Variants in GOT1L1 observed in about 807,000 individuals in gnomAD.
The protein encoded by GOT1L1 is aspartate aminotransferase, cytoplasmic 2.
Under a neutral mutation model 43.6 loss-of-function variants are expected in GOT1L1, and 38 were observed. That is an observed-to-expected ratio of 0.87 (90% CI 0.67 to 1.14). The LOEUF is 1.14. Ranked by LOEUF, GOT1L1 falls within the 50% of genes most tolerant of loss-of-function variation. The pLI is 0.00. For synonymous variants in GOT1L1, 183 were observed against 187.2 expected (o/e 0.98, Z 0.18); for missense variants, 482 against 504.0 (o/e 0.96, Z 0.42).
At position 37,935,797 on chromosome 8, in the gene GOT1L1, TC is replaced by T; in HGVS notation, c.835del (p.Glu279LysfsTer3). 6.2e-7 allele frequency: 1 copy of T among 1,612,978 alleles called. No individual in the cohort carries two copies. The highest frequency in any genetic ancestry group is 1.7e-4 in the Middle Eastern group (1 of 6,054). On this transcript the variant is annotated frameshift_variant, in exon 7 of 9. Coordinates refer to ENST00000307599, the MANE Select transcript of GOT1L1 (RefSeq NM_152413.3). LOFTEE classifies it high-confidence loss of function. ...QQLLCVLSQL[E>X]GLAQALWLNP... ...TAGCCACAGGGCCTGGGCTAATCCT[TC>T]CAGCTGGGAGAGGACACACAGCAGC...
At chr8:37,937,177 C>A in intron 4 of GOT1L1, 100 bp downstream of exon 4, 2 of 1,244,982 alleles carry the variant, frequency 1.6e-6, no homozygotes, top group South Asian at 1.3e-5. Flanking sequence ...CAAATTCAAA[C>A]CTGGAAAAGG....
In GOT1L1 at chr8:37,940,007, A is replaced by G. The variant is rs377409792; in HGVS notation, c.23T>C (p.Met8Thr). The change falls in exon 1 of 9, where the codon ATG becomes ACG. Residue 8 changes from methionine to threonine, a missense_variant. Physicochemically the swap from Met to Thr is moderately conservative, Grantham distance 81. Coordinates refer to ENST00000307599, the MANE Select transcript of GOT1L1 (RefSeq NM_152413.3). Reference sequence around the variant, plus strand: ...TAGCTTGTGGGCGAGGGGCACATCCATGAACACTGAAAGGGTGGGCATAAC... The same window carrying G: ...TAGCTTGTGGGCGAGGGGCACATCCGTGAACACTGAAAGGGTGGGCATAAC... MPTLSVF[M>T]DVPLAHKLEG... is the part of the protein sequence containing the mutation. The G allele has an allele frequency of 9.9e-6, 16 of 1,613,372 alleles. No homozygotes were observed. In the African/African-American group the frequency reaches 1.9e-4, roughly 19 times the overall value.
chr8:37,935,648 G>T (rs915955993), intron 7 of GOT1L1, 56 bp downstream of exon 7: 10 of 1,440,694 alleles, frequency 6.9e-6, no homozygotes, highest in Non-Finnish European at 9.2e-6. Context: ...AGATCAGCAG[G>T]TCTGCAGGCA....
In GOT1L1 at chr8:37,939,948, C is replaced by A. The variant is rs756223517; in HGVS notation, c.82G>T (p.Asp28Tyr). 1 of 1,613,660 alleles carries A rather than the reference C, an allele frequency of 6.2e-7. No individual in the cohort carries two copies. Among genetic ancestry groups the A allele is most frequent in the Admixed American group, 1.7e-5 (1 of 59,990 alleles). ...GCTAAGAATATCTTGTTCGGGTAAT[C>A]ATCTTGTTTGTAGGTCTTTAACAAG... is the stretch of plus-strand genomic sequence containing the variant. ...GSLLKTYKQD[D>Y]YPNKIFLAYR... Residue 28 changes from aspartate to tyrosine, a missense_variant, in exon 1 of 9, where the codon GAT becomes TAT. Physicochemically the swap from Asp to Tyr is radical, Grantham distance 160. Coordinates refer to ENST00000307599, the MANE Select transcript of GOT1L1 (RefSeq NM_152413.3).
rs769971833 is a variant in GOT1L1, at chr8:37,934,350, C to A, written c.1209G>T (p.Glu403Asp). Residue 403 changes from glutamate to aspartate, a missense_variant, in exon 9 of 9, where the codon GAG becomes GAT. Coordinates refer to ENST00000307599, the MANE Select transcript of GOT1L1 (RefSeq NM_152413.3). ...EGINEAVLLT[E>D]SSEMCLPKEK... is the part of the protein sequence containing the mutation. ...CCTTTGGAAGACACATCTCTGAGCTCTCTGTGAGGAGGACAGCCTCATTGA... is the reference window on the plus strand; with the variant it reads ...CCTTTGGAAGACACATCTCTGAGCTATCTGTGAGGAGGACAGCCTCATTGA... 3 of 1,613,776 alleles carry A rather than the reference C, an allele frequency of 1.9e-6. No homozygotes were observed. In the East Asian group the frequency reaches 6.7e-5, roughly 36 times the overall value.
chr8:37,937,578 G>C (rs149617827), intron 3 of GOT1L1, 60 bp downstream of exon 3: 1 of 1,251,328 alleles, frequency 8.0e-7, no homozygotes, highest in African/African-American at 1.5e-5. Context: ...TGGCAAATGG[G>C]GTGAGGATTA....
In GOT1L1 at chr8:37,938,805, G is replaced by A; in HGVS notation, c.192C>T (p.Pro64=). Residue 64 remains proline (P), a synonymous_variant, in exon 2 of 9, where the codon CCC becomes CCT. Coordinates refer to ENST00000307599, the MANE Select transcript of GOT1L1 (RefSeq NM_152413.3). The part of the protein sequence containing the change: ...QKTRLQISQD[P]SLNYEYLPTM... The stretch of plus-strand genomic sequence containing the variant: ...TGGGCAAGTACTCATAATTCAGGGA[G>A]GGATCCTGTGAAATCTGTAGTCGAG... The A allele has an allele frequency of 1.2e-6, 2 of 1,613,764 alleles. No homozygotes were observed. The highest frequency in any genetic ancestry group is 1.7e-6 in the Non-Finnish European group (2 of 1,179,802).
chr8:37,940,013 A>G lies in GOT1L1; in HGVS notation c.17T>C (p.Val6Ala). 1 of 1,613,314 alleles carries G rather than the reference A, an allele frequency of 6.2e-7. No individual in the cohort carries two copies. Among genetic ancestry groups the G allele is most frequent in the Non-Finnish European group, 8.5e-7 (1 of 1,179,520 alleles). Residue 6 changes from valine to alanine, a missense_variant, in exon 1 of 9, where the codon GTG becomes GCG. Val to Ala is a moderately conservative substitution (Grantham distance 64, BLOSUM62 0). Coordinates refer to ENST00000307599, the MANE Select transcript of GOT1L1 (RefSeq NM_152413.3). ...GTGGGCGAGGGGCACATCCATGAAC[A>G]CTGAAAGGGTGGGCATAACTGAAAC... Reference protein sequence around the residue: MPTLSVFMDVPLAHKL... With the variant: MPTLSAFMDVPLAHKL...
At chr8:37,939,306 C>T (rs4956531) in intron 1 of GOT1L1, among the ~76,000 whole-genome samples, 2 of 149,498 alleles carry the variant, frequency 1.3e-5, no homozygotes, top group African/African-American at 4.9e-5. Flanking sequence ...CCCAGCTACT[C>T]AGGAGGCTGA....
At position 37,937,682 on chromosome 8, in the gene GOT1L1, C is replaced by T; in HGVS notation, c.365G>A (p.Trp122Ter). 1 of 1,613,068 alleles carries T rather than the reference C, an allele frequency of 6.2e-7. No individual in the cohort carries two copies. The highest frequency in any genetic ancestry group is 1.1e-5 in the South Asian group (1 of 90,858). Residue 122 changes from tryptophan (W) to a stop codon, truncating the protein, a stop_gained, in exon 3 of 9, where the codon TGG (tryptophan) becomes TAG (stop). Coordinates refer to ENST00000307599, the MANE Select transcript of GOT1L1 (RefSeq NM_152413.3). LOFTEE classifies it high-confidence loss of function. ...FQLGVQFLRAWHKDARIVYII... is the reference protein window; with the variant it reads ...FQLGVQFLRA The stretch of plus-strand genomic sequence containing the variant: ...GTAAACTATACGAGCATCCTTATGC[C>T]AAGCTCTGAGAAACTGGACGCCAAG...
In GOT1L1 at chr8:37,935,202, T is replaced by C. The variant is rs748459398; in HGVS notation, c.943A>G (p.Lys315Glu). 2.5e-6 allele frequency: 4 copies of C among 1,599,060 alleles called. No individual in the cohort carries two copies. In the East Asian group the frequency reaches 6.7e-5, roughly 27 times the overall value. ...AGCATGATGTTCTCTACAACTTCTT[T>C]TAGACTCTGCTTCCTACCAAGGAAG... ...ALLGEWKQSL[K>E]EVVENIMLTK... Residue 315 changes from lysine (K) to glutamate (E), a missense_variant, in exon 8 of 9, where the codon AAA becomes GAA. By Grantham distance (56) the Lys-to-Glu change is moderately conservative. Transcript: ENST00000307599.
Position 37,939,428 on chromosome 8 carries a change from AAAAATATATATATATATAT to A in GOT1L1, c.115+468_115+486del, listed in dbSNP as rs1342707244. ...GGCCCTGTCTCAAGAAAAAAAAAAAAAAAATATATATATATATATATATATATATATATATATATATATA... is the reference window on the plus strand; with the variant it reads ...GGCCCTGTCTCAAGAAAAAAAAAAAAATATATATATATATATATATATATA... On this transcript the variant is annotated intron_variant, in intron 1 of 8. Coordinates refer to ENST00000307599, the MANE Select transcript of GOT1L1 (RefSeq NM_152413.3). 3.4e-4 allele frequency among the ~76,000 whole-genome samples: 19 copies of A among 55,262 alleles called. 1 individual carries two copies. Among genetic ancestry groups the A allele is most frequent in the African/African-American group, 1.6e-3 (19 of 11,898 alleles). 36.3% of individuals were successfully genotyped at this position (55,262 alleles called of 152,430 possible). A position where few individuals can be genotyped will look rare whatever the true frequency, so the allele number is the denominator to read the frequency against.
chr8:37,934,549 G>A lies in GOT1L1; in HGVS notation c.1073-63C>T, dbSNP rs1807694874. On this transcript the variant is annotated intron_variant, in intron 8 of 8. Coordinates refer to ENST00000307599, the MANE Select transcript of GOT1L1 (RefSeq NM_152413.3). ...CATCTCGAATTCTCCTCTAGCCCAGGCTGGTTTATTTTCTTATTTTTTTAT... is the reference window on the plus strand; with the variant it reads ...CATCTCGAATTCTCCTCTAGCCCAGACTGGTTTATTTTCTTATTTTTTTAT... 3.2e-5 allele frequency: 39 copies of A among 1,206,558 alleles called. No homozygotes were observed. The South Asian group carries it at 4.9e-4, about 15-fold the overall frequency. The allele number at this position is 1,206,558 out of a possible 1,614,324, so 74.7% of individuals were successfully genotyped here. A position where few individuals can be genotyped will look rare whatever the true frequency, so the allele number is the denominator to read the frequency against.
At chr8:37,937,089 C>T (rs760811629) in intron 4 of GOT1L1, 32 bp from the exon 5 acceptor site, 1 of 1,598,606 alleles carries the variant, frequency 6.3e-7, no homozygotes, top group Non-Finnish European at 8.6e-7. Flanking sequence ...TCAGGCTTCA[C>T]CCCCACCCAG....
chr8:37,939,431 AATAT>A lies in GOT1L1; in HGVS notation c.115+480_115+483del, dbSNP rs1188997870. Among the ~76,000 whole-genome samples, 217 of 41,544 alleles carry A rather than the reference AATAT, an allele frequency of 5.2e-3. 2 individuals carry two copies. The highest frequency in any genetic ancestry group is 6.1e-3 in the Non-Finnish European group (132 of 21,818). 27.3% of individuals were successfully genotyped at this position (41,544 alleles called of 152,430 possible). A position where few individuals can be genotyped will look rare whatever the true frequency, so the allele number is the denominator to read the frequency against. On this transcript the variant is annotated intron_variant, in intron 1 of 8. Transcript: ENST00000307599. ...CCTGTCTCAAGAAAAAAAAAAAAAA[AATAT>A]ATATATATATATATATATATATATA...
In GOT1L1 at chr8:37,935,736, G is replaced by T; in HGVS notation, c.897C>A (p.Ser299=). The T allele has an allele frequency of 6.2e-7, 1 of 1,607,926 alleles. No homozygotes were observed. The highest frequency in any genetic ancestry group is 8.5e-7 in the Non-Finnish European group (1 of 1,177,248). Residue 299 remains serine (S), a synonymous_variant, in exon 7 of 9, where the codon TCC becomes TCA. Transcript: ENST00000307599. The stretch of plus-strand genomic sequence containing the variant: ...CCAGCAGAGCAGGGTTGCAGAGGAT[G>T]GAGGTGATGACACGTGCACCCGTGT... ...PPNTGARVIT[S]ILCNPALLGE... is the part of the protein sequence containing the mutation.
chr8:37,936,275 T>C (rs1157457320), intron 6 of GOT1L1, among the ~76,000 whole-genome samples: 7 of 151,970 alleles, frequency 4.6e-5, no homozygotes, highest in Non-Finnish European at 5.9e-5. Flanking sequence ...GCCCCCCGGG[T>C]GGGTAGGACT....
At position 37,934,495 on chromosome 8, in the gene GOT1L1, A is replaced by C. The variant is rs774977955; in HGVS notation, c.1073-9T>G. On this transcript the variant is annotated splice_polypyrimidine_tract_variant and intron_variant, in intron 8 of 8. Coordinates refer to ENST00000307599, the MANE Select transcript of GOT1L1 (RefSeq NM_152413.3). ...GTATTCCACCTGCTGGGCTAAAATC[A>C]TGACAAGGTCTCAGATCTCGAGACT... is the stretch of plus-strand genomic sequence containing the variant. 1 of 1,605,788 alleles carries C rather than the reference A, an allele frequency of 6.2e-7. No homozygotes were observed. The highest frequency in any genetic ancestry group is 1.1e-5 in the South Asian group (1 of 90,826).
intron 2 of GOT1L1, 74 bp from the exon 3 acceptor site, chr8:37,937,823 T>C (rs4956534): frequency 0.44 from 423,287 of 966,002 alleles, 98,288 homozygotes; most frequent in East Asian, 0.76. Context: ...TTTGGGAGGC[T>C]GGGGTGGGTG....
Sources: allele counts gnomAD v4.1 joint callset (sites outside exome capture counted in the v4.1 genomes callset), GRCh38; gene constraint gnomAD v4.1.1; transcripts MANE v1.5; gene names NCBI Gene and HGNC (gene_info 2026-07-23, HGNC 2026-07-21).